PHC3: variants seen among roughly 807,000 people sequenced by gnomAD.
The protein encoded by PHC3 is polyhomeotic homolog 3.
A neutral mutation model predicts 107.4 loss-of-function variants in PHC3; 13 were observed. That is an observed-to-expected ratio of 0.12 (90% CI 0.08 to 0.19). The LOEUF is 0.19. PHC3 is among the 10% of genes least tolerant of loss of function. PHC3 has a pLI of 1.00. For missense variants in PHC3, 992 were observed against 1,210.9 expected, an observed-to-expected ratio of 0.82 and a Z score of 2.68; for synonymous variants, 456 against 427.4, an observed-to-expected ratio of 1.07 and a Z score of -0.83.
chr3:170,178,296 AC>A (rs1730836146), intron 2 of PHC3, among the ~76,000 whole-genome samples: 2 of 151,950 alleles, frequency 1.3e-5, no homozygotes. Flanking sequence ...GGCGCCCGCC[AC>A]TGCGCCCGGC....
intron 4 of PHC3, among the ~76,000 whole-genome samples, chr3:170,161,768 C>T (rs1188519895): frequency 6.6e-6 from 1 of 152,232 alleles, no homozygotes; most frequent in African/African-American, 2.4e-5. Flanking sequence ...GGGCTCTCCT[C>T]CTGGCTTGTG....
chr3:170,115,015 A>C (rs187738306), intron 10 of PHC3, among the ~76,000 whole-genome samples: 7 of 152,198 alleles, frequency 4.6e-5, no homozygotes, highest in Non-Finnish European at 8.8e-5. Flanking sequence ...AATAAATTTA[A>C]ATCATTTTCC....
intron 6 of PHC3, among the ~76,000 whole-genome samples, chr3:170,143,284 A>G (rs1180482176): frequency 6.6e-6 from 1 of 152,210 alleles, no homozygotes; most frequent in Non-Finnish European, 1.5e-5. Flanking sequence ...GAAAAATCTT[A>G]AAGTTAACAG....
At chr3:170,122,299 A>T (rs1421268160) in intron 9 of PHC3, among the ~76,000 whole-genome samples, 1 of 152,022 alleles carries the variant, frequency 6.6e-6, no homozygotes, top group Non-Finnish European at 1.5e-5. Context: ...AATTCGTTTA[A>T]TATTATCTCT....
At chr3:170,154,330 A>G (rs1027056246) in intron 4 of PHC3, among the ~76,000 whole-genome samples, 5 of 152,216 alleles carry the variant, frequency 3.3e-5, no homozygotes, top group African/African-American at 1.2e-4. Flanking sequence ...ACTGGACCCA[A>G]GTTTTTCTGA....
Position 170,108,660 on chromosome 3 carries a change from A to G in PHC3, c.2354-1714T>C, listed in dbSNP as rs185952707. Among the ~76,000 whole-genome samples, 33 of 152,280 alleles carry G rather than the reference A, an allele frequency of 2.2e-4. 1 individual carries two copies. The East Asian group carries it at 6.4e-3, about 29-fold the overall frequency. ...CCTGAGACCTGAAAACATAATTCCTAGAAGTACTGTTTTTATTTTGTCATG... is the reference window on the plus strand; with the variant it reads ...CCTGAGACCTGAAAACATAATTCCTGGAAGTACTGTTTTTATTTTGTCATG... On this transcript the variant is annotated intron_variant, in intron 11 of 14. Coordinates refer to ENST00000495893, the MANE Select transcript of PHC3 (RefSeq NM_024947.4).
intron 8 of PHC3, 100 bp downstream of exon 8, chr3:170,128,584 A>C: frequency 7.2e-7 from 1 of 1,384,134 alleles, no homozygotes; most frequent in Non-Finnish European, 9.6e-7. Context: ...AAGCTTTTTT[A>C]GTTCACAGGC....
intron 6 of PHC3, among the ~76,000 whole-genome samples, chr3:170,139,769 T>C (rs1006530514): frequency 1.3e-5 from 2 of 152,210 alleles, no homozygotes; most frequent in Non-Finnish European, 2.9e-5. Flanking sequence ...TGCCAAAGTA[T>C]ATTACAAAGT....
intron 11 of PHC3, among the ~76,000 whole-genome samples, chr3:170,110,539 G>A (rs1373805381): frequency 2.0e-5 from 3 of 152,120 alleles, no homozygotes; most frequent in Non-Finnish European, 4.4e-5. Flanking sequence ...AATAATCTTA[G>A]CCAGTTTTAA....
chr3:170,149,009 T>C (rs1469710213), intron 5 of PHC3, 77 bp downstream of exon 5: 1 of 1,392,952 alleles, frequency 7.2e-7, no homozygotes, highest in Non-Finnish European at 9.8e-7. Flanking sequence ...AAAATACCTC[T>C]TATTGTATCA....
chr3:170,164,716 C>A (rs1560120393), intron 4 of PHC3, among the ~76,000 whole-genome samples: 2 of 152,104 alleles, frequency 1.3e-5, no homozygotes, highest in African/African-American at 4.8e-5. Flanking sequence ...ATAACCCACA[C>A]TTGGAGGGTG....
chr3:170,143,761 T>C (rs1435578725), intron 6 of PHC3, among the ~76,000 whole-genome samples: 1 of 152,164 alleles, frequency 6.6e-6, no homozygotes, highest in Non-Finnish European at 1.5e-5. Flanking sequence ...CATATCTATA[T>C]ACCATATAAT....
chr3:170,106,729 T>A (rs1716596687), intron 12 of PHC3, 103 bp downstream of exon 12: 1 of 592,578 alleles, frequency 1.7e-6, no homozygotes, highest in Non-Finnish European at 2.8e-6. Context: ...TATTACATAT[T>A]AAAATATCTA....
Position 170,129,444 on chromosome 3 carries a change from T to G in PHC3, c.1028A>C (p.Gln343Pro). The change falls in exon 8 of 15, where the codon CAA becomes CCA. Residue 343 changes from glutamine to proline, a missense_variant. Gln to Pro is a moderately conservative substitution (Grantham distance 76, BLOSUM62 -1). Transcript: ENST00000495893. ...AAGTGTGATTGGCTGAATTTGCTGT[T>G]GCTGCTGTTGTAATATCAGCTGATG... ...SHHQLILQQQ[Q>P]QQIQPITLQN... 6.2e-7 allele frequency: 1 copy of G among 1,613,990 alleles called. No individual in the cohort carries two copies. Among genetic ancestry groups the G allele is most frequent in the Non-Finnish European group, 8.5e-7 (1 of 1,179,872 alleles).
At chr3:170,148,341 C>CA (rs1396944778) in intron 5 of PHC3, 13 of 152,036 alleles carry the variant, frequency 8.6e-5, no homozygotes, top group African/African-American at 2.9e-4. Flanking sequence ...GTCCACTGGA[C>CA]AAAAAAGAAT....
Position 170,090,661 on chromosome 3 carries a change from C to T in PHC3, c.*6569G>A, listed in dbSNP as rs1314838603. The T allele has an allele frequency of 2.6e-5, 4 of 152,110 alleles. No individual in the cohort carries two copies. The highest frequency in any genetic ancestry group is 9.7e-5 in the African/African-American group (4 of 41,400). 9.4% of individuals were successfully genotyped at this position (152,110 alleles called of 1,614,324 possible). A position where few individuals can be genotyped will look rare whatever the true frequency, so the allele number is the denominator to read the frequency against. On this transcript the variant is annotated 3_prime_UTR_variant, in exon 15 of 15. Coordinates refer to ENST00000495893, the MANE Select transcript of PHC3 (RefSeq NM_024947.4). ...AAGTAGGAATAACCCCATTACACAGCCTAGAATCATAGTTTTAGAGCTGGG... is the reference window on the plus strand; with the variant it reads ...AAGTAGGAATAACCCCATTACACAGTCTAGAATCATAGTTTTAGAGCTGGG...
intron 7 of PHC3, chr3:170,136,217 C>A: frequency 3.6e-6 from 2 of 555,458 alleles, no homozygotes; most frequent in East Asian, 3.5e-5. Flanking sequence ...TTTAAAAAAC[C>A]TATTATATTG....
chr3:170,157,984 A>T (rs987809360), intron 4 of PHC3, among the ~76,000 whole-genome samples: 2 of 152,184 alleles, frequency 1.3e-5, no homozygotes, highest in African/African-American at 4.8e-5. Context: ...GTAGAACATT[A>T]TATACTCATT....
At chr3:170,129,671 G>T in intron 7 of PHC3, 119 bp from the exon 8 acceptor site, 5 of 1,055,356 alleles carry the variant, frequency 4.7e-6, no homozygotes, top group Non-Finnish European at 5.4e-6. Context: ...TCTATTACAA[G>T]TTTTCCAAAC....
Sources: allele counts gnomAD v4.1 joint callset (sites outside exome capture counted in the v4.1 genomes callset), GRCh38; gene constraint gnomAD v4.1.1; transcripts MANE v1.5; gene names NCBI Gene and HGNC (gene_info 2026-07-23, HGNC 2026-07-21).